Variants in ASIC2 observed in about 807,000 individuals in gnomAD.
ASIC2 encodes the protein acid sensing ion channel subunit 2.
ASIC2 carries 25 observed loss-of-function variants against 57.3 expected under a neutral mutation model. That is an observed-to-expected ratio of 0.44 (90% confidence interval 0.32 to 0.61). The LOEUF is 0.61. Ranked by LOEUF, ASIC2 falls within the 20% of genes least tolerant of loss-of-function variation. The pLI, the probability that ASIC2 is intolerant of heterozygous loss-of-function variation, is 0.06. For synonymous variants in ASIC2, 319 were observed against 307.5 expected, an observed-to-expected ratio of 1.04 and a Z score of -0.39; for missense variants, 641 against 738.1, an observed-to-expected ratio of 0.87 and a Z score of 1.52.
Position 33,024,109 on chromosome 17 carries a change from T to A in ASIC2, c.1196-95A>T. 3 of 1,514,790 alleles carry A rather than the reference T, an allele frequency of 2.0e-6. No individual in the cohort carries two copies. In the South Asian group the frequency reaches 3.6e-5, roughly 18 times the overall value. 93.8% of individuals were successfully genotyped at this position (1,514,790 alleles called of 1,614,324 possible). A position where few individuals can be genotyped will look rare whatever the true frequency, so the allele number is the denominator to read the frequency against. ...GGATTGTAGCAGCTGAGAAATGAGC[T>A]GGGAAGGGGCACTGGTCTGGGGAAA... is the stretch of plus-strand genomic sequence containing the variant. On this transcript the variant is annotated intron_variant, in intron 5 of 9. Coordinates refer to ENST00000225823, the MANE Select transcript of ASIC2 (RefSeq NM_183377.2).
At chr17:33,654,840 G>GA (rs1215503847) in intron 1 of ASIC2, among the ~76,000 whole-genome samples, 1 of 152,206 alleles carries the variant, frequency 6.6e-6, no homozygotes, top group Non-Finnish European at 1.5e-5. Context: ...TCAAAAAGAA[G>GA]ATGGCTTGGC....
chr17:34,072,736 G>A (rs1909466055), intron 1 of ASIC2, among the ~76,000 whole-genome samples: 1 of 152,108 alleles, frequency 6.6e-6, no homozygotes, highest in Non-Finnish European at 1.5e-5. Flanking sequence ...TCATGTGATG[G>A]ACGATTTCTC....
intron 1 of ASIC2, among the ~76,000 whole-genome samples, chr17:33,146,473 G>C (rs1162286519): frequency 6.6e-6 from 1 of 152,188 alleles, no homozygotes; most frequent in Non-Finnish European, 1.5e-5. Context: ...AGGGCACCTG[G>C]CTCTGACTCA....
At chr17:33,626,451 A>G (rs532275276) in intron 1 of ASIC2, among the ~76,000 whole-genome samples, 1 of 152,244 alleles carries the variant, frequency 6.6e-6, no homozygotes, top group South Asian at 2.1e-4. Flanking sequence ...TCATAAAACT[A>G]TGAATCTGCT....
intron 1 of ASIC2, among the ~76,000 whole-genome samples, chr17:34,123,587 T>A (rs1370335025): frequency 2.6e-5 from 4 of 152,180 alleles, no homozygotes; most frequent in Non-Finnish European, 5.9e-5. Flanking sequence ...GTGTATTGGC[T>A]AAGAGCCTGG....
intron 3 of ASIC2, among the ~76,000 whole-genome samples, chr17:33,048,674 T>C (rs545943264): frequency 1.3e-5 from 2 of 152,168 alleles, no homozygotes; most frequent in Non-Finnish European, 2.9e-5. Flanking sequence ...TCTGGAGCCC[T>C]GGGCCTTAAA....
At chr17:33,018,563 G>T (rs985730772) in intron 7 of ASIC2, among the ~76,000 whole-genome samples, 2 of 152,190 alleles carry the variant, frequency 1.3e-5, no homozygotes, top group African/African-American at 2.4e-5. Flanking sequence ...TTTTTAACAG[G>T]GGTTCTGAGT....
intron 1 of ASIC2, among the ~76,000 whole-genome samples, chr17:33,851,619 C>A (rs768651530): frequency 1.3e-5 from 2 of 152,196 alleles, no homozygotes; most frequent in Non-Finnish European, 2.9e-5. Flanking sequence ...TTAGGGTTCT[C>A]AATCTCAGCA....
rs138052817 is a variant in ASIC2 at position 33,424,729 on chromosome 17, C to T, written c.556-312662G>A. 3.1e-3 allele frequency among the ~76,000 whole-genome samples: 475 copies of T among 152,222 alleles called. 6 individuals carry two copies. The highest frequency in any genetic ancestry group is 0.01 in the African/African-American group (434 of 41,534). Reference sequence around the variant, plus strand: ...TTAGTCCTTCCTTCCTCTCTTTCAACAAACACACTTGAATCCCTGCCCTTA... The same window carrying T: ...TTAGTCCTTCCTTCCTCTCTTTCAATAAACACACTTGAATCCCTGCCCTTA... On this transcript the variant is annotated intron_variant, in intron 1 of 9. Transcript: ENST00000359872.
In ASIC2 at chr17:34,004,147, C is replaced by T. The variant is rs1376926027; in HGVS notation, c.555+151831G>A. 4 of 151,906 alleles carry T rather than the reference C, an allele frequency of 2.6e-5. 1 individual carries two copies. The highest frequency in any genetic ancestry group is 9.7e-5 in the African/African-American group (4 of 41,294). The allele number at this position is 151,906 out of a possible 1,614,324, so 9.4% of individuals were successfully genotyped here. A position where few individuals can be genotyped will look rare whatever the true frequency, so the allele number is the denominator to read the frequency against. On this transcript the variant is annotated intron_variant, in intron 1 of 9. Coordinates refer to the ASIC2 transcript ENST00000359872. ...ATCTCTTATCCTCAGCCGTGATGAC[C>T]AGTTGATAAAAGGAGAAGGAGTAAA...
chr17:33,679,731 C>A (rs7224514), intron 1 of ASIC2, among the ~76,000 whole-genome samples: 4 of 151,988 alleles, frequency 2.6e-5, no homozygotes, highest in Admixed American at 2.0e-4. Context: ...GCAGGCCAGG[C>A]GAAGGCAGAG....
At chr17:33,890,953 T>C (rs1444931851) in intron 1 of ASIC2, among the ~76,000 whole-genome samples, 1 of 144,454 alleles carries the variant, frequency 6.9e-6, no homozygotes, top group East Asian at 2.0e-4. Context: ...GCAGACTGTG[T>C]GAGTCCAGAG....
At chr17:33,099,334 A>G (rs914687212) in intron 2 of ASIC2, among the ~76,000 whole-genome samples, 4 of 152,216 alleles carry the variant, frequency 2.6e-5, no homozygotes, top group Admixed American at 1.3e-4. Context: ...GCATTTTAAA[A>G]TGAGTTAATC....
At chr17:33,412,518 G>A (rs1910698640) in intron 1 of ASIC2, among the ~76,000 whole-genome samples, 1 of 152,218 alleles carries the variant, frequency 6.6e-6, no homozygotes, top group Non-Finnish European at 1.5e-5. Context: ...GCTCAGAGAA[G>A]TCAAATAATT....
intron 3 of ASIC2, among the ~76,000 whole-genome samples, chr17:33,065,183 T>A (rs1309974706): frequency 6.6e-6 from 1 of 152,022 alleles, no homozygotes; most frequent in South Asian, 2.1e-4. Context: ...TGATTGAACA[T>A]ATATATTTTT....
At chr17:33,633,299 G>A (rs1906235130) in intron 1 of ASIC2, among the ~76,000 whole-genome samples, 1 of 152,212 alleles carries the variant, frequency 6.6e-6, no homozygotes, top group Non-Finnish European at 1.5e-5. Flanking sequence ...GGTGCAACAA[G>A]GACCAGGACA....
At chr17:33,741,438 C>T (rs1024318762) in intron 1 of ASIC2, among the ~76,000 whole-genome samples, 5 of 152,298 alleles carry the variant, frequency 3.3e-5, no homozygotes, top group Admixed American at 3.3e-4. Context: ...CACTAAAATG[C>T]TTTACTTTTT....
intron 1 of ASIC2, among the ~76,000 whole-genome samples, chr17:33,848,250 T>C (rs1233858853): frequency 6.6e-6 from 1 of 152,104 alleles, no homozygotes; most frequent in Non-Finnish European, 1.5e-5. Context: ...GCAGCCACGT[T>C]TACATTTCAT....
intron 1 of ASIC2, among the ~76,000 whole-genome samples, chr17:34,067,107 A>T (rs1909200751): frequency 6.6e-6 from 1 of 152,236 alleles, no homozygotes; most frequent in African/African-American, 2.4e-5. Flanking sequence ...TTCAAGAATA[A>T]GCACATTGTG....
Sources: gnomAD v4.1 joint callset for allele counts (sites outside exome capture counted in the v4.1 genomes callset) on GRCh38, gnomAD v4.1.1 for gene constraint, MANE v1.5 for transcripts, NCBI Gene and HGNC (gene_info 2026-07-23, HGNC 2026-07-21) for gene names.